The following DACH2 variants were observed in gnomAD, a reference collection of about 807,000 sequenced individuals.
DACH2 encodes the protein dachshund homolog 2.
In DACH2, 17 loss-of-function variants were observed where a neutral mutation model predicts 35.8. The ratio of observed to expected loss-of-function variants is 0.48; its 90% confidence interval spans 0.33 to 0.71. The LOEUF (loss-of-function observed/expected upper bound fraction) is 0.71, where lower values mean the gene tolerates loss of function less well. DACH2 is among the 30% of genes least tolerant of loss of function. The probability of loss-of-function intolerance (pLI) is 0.02; values close to 1 mark genes in which losing one functional copy is unlikely to be tolerated. For missense variants in DACH2, 469 were observed against 472.7 expected (o/e 0.99, Z 0.07); for synonymous variants, 195 against 177.3 (o/e 1.10, Z -0.79).
At chrX:86,464,025 T>C (rs2037621772) in intron 2 of DACH2, among the ~76,000 whole-genome samples, 1 of 111,305 alleles carries the variant, frequency 9.0e-6, no homozygotes, top group South Asian at 3.8e-4. Context: ...AAACAACAGA[T>C]GCTGGAGAGG....
At chrX:86,378,663 C>T (rs905905111) in intron 2 of DACH2, among the ~76,000 whole-genome samples, 1 of 111,351 alleles carries the variant, frequency 9.0e-6, no homozygotes, top group African/African-American at 3.2e-5. Context: ...AAAACAAAAT[C>T]CATCTGGGGT....
chrX:86,280,430 C>T (rs1404131377), intron 1 of DACH2, among the ~76,000 whole-genome samples: 1 of 112,059 alleles, frequency 8.9e-6, no homozygotes, highest in Non-Finnish European at 1.9e-5. Context: ...ACCAGACCTG[C>T]TTTACAAGAG....
chrX:86,344,059 G>T lies in DACH2; in HGVS notation c.489-32765G>T, dbSNP rs150874086. 2.7e-4 allele frequency among the ~76,000 whole-genome samples: 30 copies of T among 109,920 alleles called. 1 individual carries two copies. Among genetic ancestry groups the T allele is most frequent in the African/African-American group, 9.2e-4 (28 of 30,282 alleles). On this transcript the variant is annotated intron_variant, in intron 1 of 11. Coordinates refer to ENST00000373125, the MANE Select transcript of DACH2 (RefSeq NM_053281.3). ...TTGTACATTTTTAAATAACTCAAAG[G>T]TGTAATTGGATTGTTTGTAACTCAA... is the stretch of plus-strand genomic sequence containing the variant.
intron 3 of DACH2, among the ~76,000 whole-genome samples, chrX:86,566,620 C>G (rs1302299264): frequency 9.0e-6 from 1 of 111,175 alleles, no homozygotes; most frequent in Non-Finnish European, 1.9e-5. Context: ...ATTTGTGAGA[C>G]ATGAATTTAT....
chrX:86,507,099 A>C (rs1179766633), intron 2 of DACH2, among the ~76,000 whole-genome samples: 1 of 111,948 alleles, frequency 8.9e-6, no homozygotes, highest in Non-Finnish European at 1.9e-5. Flanking sequence ...TTATTGATTG[A>C]ATGTGTGTGC....
At chrX:86,215,687 G>T (rs1273131737) in intron 1 of DACH2, among the ~76,000 whole-genome samples, 1 of 111,621 alleles carries the variant, frequency 9.0e-6, no homozygotes, top group Non-Finnish European at 1.9e-5. Flanking sequence ...AGCCTGAAAA[G>T]AGATTGGTTA....
chrX:86,207,086 G>T (rs1371590522), intron 1 of DACH2, among the ~76,000 whole-genome samples: 1 of 111,339 alleles, frequency 9.0e-6, no homozygotes, highest in Non-Finnish European at 1.9e-5. Flanking sequence ...ATGGTTTTGG[G>T]TGGGAGAGTC....
In DACH2 at chrX:86,409,323, G is replaced by A. The variant is rs772864588; in HGVS notation, c.527+32461G>A. 3.6e-5 allele frequency among the ~76,000 whole-genome samples: 4 copies of A among 111,349 alleles called. No homozygotes were observed. The South Asian group carries it at 1.5e-3, about 42-fold the overall frequency. Reference sequence around the variant, plus strand: ...CATGGAGTAGTAATATGGCATAGTGGCACTTCATATTGATACTGATGTAGT... The same window carrying A: ...CATGGAGTAGTAATATGGCATAGTGACACTTCATATTGATACTGATGTAGT... On this transcript the variant is annotated intron_variant, in intron 2 of 11. Coordinates refer to ENST00000373125, the MANE Select transcript of DACH2 (RefSeq NM_053281.3).
intron 1 of DACH2, among the ~76,000 whole-genome samples, chrX:86,307,991 T>C (rs980959385): frequency 9.8e-5 from 11 of 111,780 alleles, no homozygotes; most frequent in Non-Finnish European, 1.3e-4. Context: ...CTTGGTTAGC[T>C]GAAATATGGA....
chrX:86,746,893 G>A (rs142063261), intron 7 of DACH2, among the ~76,000 whole-genome samples: 19 of 110,728 alleles, frequency 1.7e-4, no homozygotes, highest in Admixed American at 4.8e-4. Context: ...TGTTAGATAG[G>A]GGACCAACTT....
chrX:86,478,512 C>T (rs373686854), intron 2 of DACH2, among the ~76,000 whole-genome samples: 1 of 106,477 alleles, frequency 9.4e-6, no homozygotes, highest in Admixed American at 1.0e-4. Flanking sequence ...GTTTCTCTTG[C>T]TGCTTTTAGT....
In DACH2 at chrX:86,567,266, C is replaced by CT. The variant is rs759001174; in HGVS notation, c.640+52881dup. On this transcript the variant is annotated intron_variant, in intron 3 of 11. Coordinates refer to ENST00000373125, the MANE Select transcript of DACH2 (RefSeq NM_053281.3). ...GGTTGTGATTTATTGTCATGATTATCTTTTTTCCAAACTGGAGTTCTAAAT... is the reference window on the plus strand; with the variant it reads ...GGTTGTGATTTATTGTCATGATTATCTTTTTTTCCAAACTGGAGTTCTAAAT... Among the ~76,000 whole-genome samples, 17 of 111,745 alleles carry CT rather than the reference C, an allele frequency of 1.5e-4. No homozygotes were observed. The East Asian group carries it at 4.6e-3, about 30-fold the overall frequency.
At chrX:86,436,670 A>AT (rs1168731435) in intron 2 of DACH2, among the ~76,000 whole-genome samples, 4 of 110,827 alleles carry the variant, frequency 3.6e-5, no homozygotes, top group Admixed American at 2.9e-4. Flanking sequence ...CTTAGGAAAT[A>AT]TTTTCTTTGA....
chrX:86,708,856 A>G (rs2041248149), intron 5 of DACH2, among the ~76,000 whole-genome samples: 1 of 111,627 alleles, frequency 9.0e-6, no homozygotes, highest in Non-Finnish European at 1.9e-5. Context: ...CAAAATATAT[A>G]TAAGATGATT....
chrX:86,205,058 G>A (rs2032250337), intron 1 of DACH2, among the ~76,000 whole-genome samples: 2 of 111,760 alleles, frequency 1.8e-5, no homozygotes, highest in Non-Finnish European at 3.8e-5. Context: ...TTGCTGCTTA[G>A]CACAAGTCCA....
intron 7 of DACH2, among the ~76,000 whole-genome samples, chrX:86,807,590 T>C (rs1048924481): frequency 8.9e-6 from 1 of 112,005 alleles, no homozygotes; most frequent in Admixed American, 9.5e-5. Flanking sequence ...TTTTAAAAAA[T>C]TCCACAGGAT....
At chrX:86,547,609 A>G (rs1329080142) in intron 3 of DACH2, among the ~76,000 whole-genome samples, 10 of 109,704 alleles carry the variant, frequency 9.1e-5, no homozygotes, top group Non-Finnish European at 1.9e-4. Context: ...AAATGATTCA[A>G]TTTTATTTGA....
intron 1 of DACH2, among the ~76,000 whole-genome samples, chrX:86,232,889 CATGTAT>C (rs1375730741): frequency 1.8e-5 from 2 of 111,979 alleles, no homozygotes; most frequent in Non-Finnish European, 3.8e-5. Flanking sequence ...GACACATGCA[CATGTAT>C]GTTCATTGCA....
At chrX:86,389,737 G>A (rs773554593) in intron 2 of DACH2, among the ~76,000 whole-genome samples, 1 of 111,970 alleles carries the variant, frequency 8.9e-6, no homozygotes, top group South Asian at 3.7e-4. Context: ...GAACTGTAAA[G>A]ATAAACGATA....
Sources: gnomAD v4.1 joint callset for allele counts (sites outside exome capture counted in the v4.1 genomes callset) on GRCh38, gnomAD v4.1.1 for gene constraint, MANE v1.5 for transcripts, NCBI Gene and HGNC (gene_info 2026-07-23, HGNC 2026-07-21) for gene names.